Variants in PTPRN2 observed in about 807,000 individuals in gnomAD.
PTPRN2 encodes the protein receptor-type tyrosine-protein phosphatase N2.
A neutral mutation model predicts 118.8 loss-of-function variants in PTPRN2; 74 were observed. The observed-to-expected ratio is 0.62, with a 90% CI of 0.52 to 0.76. The LOEUF is 0.76. Among genes scored for constraint, PTPRN2 ranks in the 30% least tolerant of loss-of-function variants. The pLI, the probability that PTPRN2 is intolerant of heterozygous loss-of-function variation, is 0.00. For synonymous variants in PTPRN2, 641 were observed against 608.0 expected (o/e 1.05, Z -0.80); for missense variants, 1,481 against 1,394.4 (o/e 1.06, Z -0.99).
At chr7:157,966,568 C>T (rs568896594) in intron 11 of PTPRN2, among the ~76,000 whole-genome samples, 3 of 151,168 alleles carry the variant, frequency 2.0e-5, no homozygotes, top group Admixed American at 2.0e-4. Flanking sequence ...CTATCATCAT[C>T]ACCATCATCT....
chr7:158,385,690 C>T (rs951853616), intron 2 of PTPRN2, among the ~76,000 whole-genome samples: 2 of 152,174 alleles, frequency 1.3e-5, no homozygotes, highest in East Asian at 1.9e-4. Context: ...AGCACAAGTT[C>T]AGGCCTGCTA....
chr7:158,263,246 A>G (rs1486721381), intron 3 of PTPRN2, among the ~76,000 whole-genome samples: 1 of 152,158 alleles, frequency 6.6e-6, no homozygotes, highest in African/African-American at 2.4e-5. Context: ...GTATGCATGC[A>G]TTTACACACT....
chr7:158,324,187 G>A (rs75932409), intron 2 of PTPRN2, among the ~76,000 whole-genome samples: 1,745 of 152,166 alleles, frequency 0.011, 39 homozygotes, highest in African/African-American at 0.04. Context: ...ACGGCACCTC[G>A]CCTCTACCGC....
At chr7:157,705,564 C>T (rs555628931) in intron 12 of PTPRN2, among the ~76,000 whole-genome samples, 48 of 152,002 alleles carry the variant, frequency 3.2e-4, no homozygotes, top group Admixed American at 5.2e-4. Context: ...GTGAATCTGA[C>T]CCAGGTGCCT....
At chr7:157,768,280 C>T (rs1012481408) in intron 12 of PTPRN2, among the ~76,000 whole-genome samples, 14 of 152,240 alleles carry the variant, frequency 9.2e-5, no homozygotes, top group African/African-American at 3.4e-4. Flanking sequence ...GTTTTACAGT[C>T]AACGGATCGT....
intron 12 of PTPRN2, among the ~76,000 whole-genome samples, chr7:157,829,147 A>G (rs1342980708): frequency 6.6e-6 from 1 of 152,256 alleles, no homozygotes; most frequent in Non-Finnish European, 1.5e-5. Flanking sequence ...ATACATTTTT[A>G]ATAAGGACAA....
intron 2 of PTPRN2, among the ~76,000 whole-genome samples, chr7:158,486,176 A>ACGGGCCACCTCC (rs1213754588): frequency 6.6e-6 from 1 of 152,246 alleles, no homozygotes; most frequent in African/African-American, 2.4e-5. Context: ...TTGCCGGGTC[A>ACGGGCCACCTCC]CGGGCCACCT....
chr7:158,490,574 C>A (rs952114185), intron 1 of PTPRN2, among the ~76,000 whole-genome samples: 2 of 152,248 alleles, frequency 1.3e-5, no homozygotes, highest in Non-Finnish European at 2.9e-5. Flanking sequence ...AGCACCACCC[C>A]GCTAGGGAGC....
intron 6 of PTPRN2, among the ~76,000 whole-genome samples, chr7:158,149,441 TA>T (rs112794279): frequency 0.18 from 25,368 of 142,818 alleles, 2,649 homozygotes; most frequent in East Asian, 0.44. Context: ...TCTCAAGAGG[TA>T]AAAAAAAAAA....
intron 12 of PTPRN2, among the ~76,000 whole-genome samples, chr7:157,777,423 T>C (rs528044717): frequency 9.0e-4 from 119 of 132,142 alleles, no homozygotes; most frequent in African/African-American, 3.5e-3. Context: ...AGCTCAGGGA[T>C]GCAGCCTTCT....
chr7:158,298,207 G>C (rs12667138), intron 3 of PTPRN2, among the ~76,000 whole-genome samples: 2 of 151,936 alleles, frequency 1.3e-5, no homozygotes, highest in South Asian at 4.2e-4. Context: ...TCATTTCTTC[G>C]TACCTATTTC....
rs1051093956 is a variant in PTPRN2, at chr7:157,861,127, T to C, written c.1788+37546A>G. Among the ~76,000 whole-genome samples the C allele has an allele frequency of 1.3e-5, 2 of 152,324 alleles. No homozygotes were observed. Among genetic ancestry groups the C allele is most frequent in the African/African-American group, 4.8e-5 (2 of 41,580 alleles). ...GGACCCCAGCACGGGCGCTTTGGGA[T>C]GTCGGCAGAGGCACGCATGCCTCCA... On this transcript the variant is annotated intron_variant, in intron 12 of 22. Transcript: ENST00000389418. This position sits in a 1 kb window ranked among gnomAD's most constrained non-coding sequence, Gnocchi z 5.8.
At chr7:158,164,955 G>A (rs1265295293) in intron 6 of PTPRN2, among the ~76,000 whole-genome samples, 10 of 143,776 alleles carry the variant, frequency 7.0e-5, no homozygotes, top group East Asian at 2.1e-4. Context: ...GCAGCTACAC[G>A]GACCCAAGGT....
chr7:157,821,852 C>T lies in PTPRN2; in HGVS notation c.1788+76821G>A, dbSNP rs187473306. Among the ~76,000 whole-genome samples, 7 of 152,160 alleles carry T rather than the reference C, an allele frequency of 4.6e-5. No individual in the cohort carries two copies. The East Asian group carries it at 7.7e-4, about 17-fold the overall frequency. ...TTGTGGTGAAGATAATTGTGAGAGACGTGACTAAGGGGGAGGAGGGACATG... is the reference window on the plus strand; with the variant it reads ...TTGTGGTGAAGATAATTGTGAGAGATGTGACTAAGGGGGAGGAGGGACATG... On this transcript the variant is annotated intron_variant, in intron 12 of 22. Coordinates refer to ENST00000389418, the MANE Select transcript of PTPRN2 (RefSeq NM_002847.5).
At chr7:157,889,322 A>G (rs980583342) in intron 12 of PTPRN2, among the ~76,000 whole-genome samples, 2 of 150,000 alleles carry the variant, frequency 1.3e-5, no homozygotes, top group Non-Finnish European at 3.0e-5. Flanking sequence ...ACTAATCACC[A>G]CCAGGCTTCC....
rs377455509 is a variant in PTPRN2, at chr7:158,163,755, G to C, written c.910+3176C>G. On this transcript the variant is annotated intron_variant, in intron 6 of 22. Coordinates refer to ENST00000389418, the MANE Select transcript of PTPRN2 (RefSeq NM_002847.5). ...ACCGGGTTCTCAATTCTATTTCATA[G>C]GTGACGCCTGTACGGGGTTCTCAAT... is the stretch of plus-strand genomic sequence containing the variant. 1.5e-3 allele frequency among the ~76,000 whole-genome samples: 232 copies of C among 150,806 alleles called. 2 individuals are homozygous for C. The highest frequency in any genetic ancestry group is 5.5e-3 in the African/African-American group (222 of 40,530).
intron 11 of PTPRN2, among the ~76,000 whole-genome samples, chr7:158,060,867 G>A (rs990646463): frequency 6.6e-6 from 1 of 152,248 alleles, no homozygotes; most frequent in Non-Finnish European, 1.5e-5. Context: ...GACCTTTCAA[G>A]GCTTTTTGTT....
At chr7:158,217,408 CA>C (rs1207743167) in intron 3 of PTPRN2, among the ~76,000 whole-genome samples, 1 of 152,188 alleles carries the variant, frequency 6.6e-6, no homozygotes, top group Non-Finnish European at 1.5e-5. Flanking sequence ...CCAACTTACA[CA>C]ACAGCAAAAC....
chr7:158,352,288 TCTGCTCCCCTCTTGA>T (rs1808053865), intron 2 of PTPRN2, among the ~76,000 whole-genome samples: 1 of 119,442 alleles, frequency 8.4e-6, no homozygotes, highest in Admixed American at 8.7e-5. Flanking sequence ...TCCCCTCCTG[TCTGCTCCCCTCTTGA>T]CTGCTCCCCT....
Sources: allele counts gnomAD v4.1 joint callset (sites outside exome capture counted in the v4.1 genomes callset), GRCh38; gene constraint gnomAD v4.1.1; non-coding constraint Gnocchi (gnomAD v3.1); transcripts MANE v1.5; gene names NCBI Gene and HGNC (gene_info 2026-07-23, HGNC 2026-07-21).